Variants in RIN3 observed in about 807,000 individuals in gnomAD.
RIN3 encodes the protein RAB5 interacting protein 3.
RIN3 carries 54 observed loss-of-function variants against 76.3 expected under a neutral mutation model. The observed-to-expected ratio is 0.71, with a 90% CI of 0.57 to 0.89. RIN3 has a LOEUF of 0.89. Among genes scored for constraint, RIN3 ranks in the 40% least tolerant of loss-of-function variants. RIN3 has a pLI of 0.00. For missense variants in RIN3, 1,256 were observed against 1,322.1 expected, an observed-to-expected ratio of 0.95 and a Z score of 0.78; for synonymous variants, 576 against 564.0, an observed-to-expected ratio of 1.02 and a Z score of -0.30.
chr14:92,683,034 G>A (rs1012480761), intron 8 of RIN3, among the ~76,000 whole-genome samples: 4 of 152,310 alleles, frequency 2.6e-5, no homozygotes, highest in Middle Eastern at 3.4e-3. Flanking sequence ...AGGCGTGGTG[G>A]TGCGTGCCTA....
At position 92,597,088 on chromosome 14, in the gene RIN3, C is replaced by T. The variant is rs372542744; in HGVS notation, c.368-18319C>T. ...GGATGGTAATACCCATCTCACAGAA[C>T]CATGGGGAGGTGTCACGTATGTGAG... On this transcript the variant is annotated intron_variant, in intron 3 of 9. Coordinates refer to ENST00000216487, the MANE Select transcript of RIN3 (RefSeq NM_024832.5). Among the ~76,000 whole-genome samples, 179 of 152,260 alleles carry T rather than the reference C, an allele frequency of 1.2e-3. 3 individuals carry two copies. In the South Asian group the frequency reaches 0.031, roughly 26 times the overall value.
At chr14:92,549,422 G>A (rs746582663) in intron 1 of RIN3, among the ~76,000 whole-genome samples, 3 of 152,130 alleles carry the variant, frequency 2.0e-5, no homozygotes, top group South Asian at 2.1e-4. Flanking sequence ...AAACTTCTGC[G>A]CCTTCCCCCT....
chr14:92,541,283 A>G (rs1234634161), intron 1 of RIN3, among the ~76,000 whole-genome samples: 1 of 139,618 alleles, frequency 7.2e-6, no homozygotes, highest in Non-Finnish European at 1.5e-5. Context: ...TTAATTTCCC[A>G]AAAGCATTGT....
rs550945060 is a variant in RIN3, at chr14:92,667,635, A to T, written c.2335+8166A>T. Among the ~76,000 whole-genome samples, 4 of 152,360 alleles carry T rather than the reference A, an allele frequency of 2.6e-5. No individual in the cohort carries two copies. The South Asian group carries it at 8.3e-4, about 32-fold the overall frequency. The stretch of plus-strand genomic sequence containing the variant: ...TAGTCTTTTTGAAATAACTACAGAT[A>T]GGTAAATAGATAATTGGTTAAGGAA... On this transcript the variant is annotated intron_variant, in intron 7 of 9. Coordinates refer to ENST00000216487, the MANE Select transcript of RIN3 (RefSeq NM_024832.5).
rs1029352897 is a variant in RIN3 at position 92,568,800 on chromosome 14, T to G, written c.250-8560T>G. ...AGACAAGAGCCACATGAGAGCCCTG[T>G]GGCCATGCTGAAAGGGTGGGTGATG... On this transcript the variant is annotated intron_variant, in intron 2 of 9. Coordinates refer to ENST00000216487, the MANE Select transcript of RIN3 (RefSeq NM_024832.5). This position sits in a 1 kb window ranked among gnomAD's most constrained non-coding sequence, Gnocchi z 4.2. 7.9e-5 allele frequency among the ~76,000 whole-genome samples: 12 copies of G among 152,238 alleles called. No individual in the cohort carries two copies. Among genetic ancestry groups the G allele is most frequent in the African/African-American group, 2.9e-4 (12 of 41,470 alleles).
At chr14:92,556,063 C>A in intron 2 of RIN3, 108 bp downstream of exon 2, 1 of 875,626 alleles carries the variant, frequency 1.1e-6, no homozygotes, top group Non-Finnish European at 1.8e-6. Context: ...ATGCAGATGA[C>A]TGCATGTTTA....
At chr14:92,564,609 A>G (rs1234140460) in intron 2 of RIN3, among the ~76,000 whole-genome samples, 4 of 152,230 alleles carry the variant, frequency 2.6e-5, no homozygotes, top group Non-Finnish European at 5.9e-5. Context: ...GAAGGACACA[A>G]GTGTCTGACC....
chr14:92,657,374 GAAA>G (rs56043062), intron 6 of RIN3, among the ~76,000 whole-genome samples: 1 of 147,712 alleles, frequency 6.8e-6, no homozygotes, highest in Non-Finnish European at 1.5e-5. Flanking sequence ...AAACAAAAAA[GAAA>G]AAAAAAAGGC....
intron 3 of RIN3, among the ~76,000 whole-genome samples, chr14:92,584,660 T>C (rs1595435493): frequency 6.6e-6 from 1 of 151,830 alleles, no homozygotes; most frequent in African/African-American, 2.4e-5. Context: ...AGGGGATGTA[T>C]GGGATGAAGG....
chr14:92,569,778 TG>T (rs1355079497), intron 2 of RIN3, among the ~76,000 whole-genome samples: 1 of 151,962 alleles, frequency 6.6e-6, no homozygotes, highest in Non-Finnish European at 1.5e-5. Context: ...CAGAGATCAG[TG>T]GGGGCTAGGG....
Position 92,683,956 on chromosome 14 carries a change from G to T in RIN3, c.2468-1031G>T, listed in dbSNP as rs190660675. ...CCATCATAAATTGAAAATATCTTAA[G>T]TTGAAATGCATTTAATCCACCTAAC... On this transcript the variant is annotated intron_variant, in intron 8 of 9. Coordinates refer to ENST00000216487, the MANE Select transcript of RIN3 (RefSeq NM_024832.5). Among the ~76,000 whole-genome samples, 535 of 152,250 alleles carry T rather than the reference G, an allele frequency of 3.5e-3. 3 individuals carry two copies. Among genetic ancestry groups the T allele is most frequent in the Non-Finnish European group, 3.5e-3 (239 of 68,032 alleles).
chr14:92,574,589 T>C (rs964881517), intron 2 of RIN3, among the ~76,000 whole-genome samples: 1 of 151,812 alleles, frequency 6.6e-6, no homozygotes, highest in Non-Finnish European at 1.5e-5. Flanking sequence ...GGGCTGCTTT[T>C]TGTTAAAAGG....
chr14:92,675,840 C>A (rs554175192), intron 7 of RIN3, among the ~76,000 whole-genome samples: 1 of 152,158 alleles, frequency 6.6e-6, no homozygotes, highest in African/African-American at 2.4e-5. Context: ...CTTTATAGAG[C>A]GCCCTCCATC....
At chr14:92,541,123 G>A (rs566847543) in intron 1 of RIN3, among the ~76,000 whole-genome samples, 25 of 152,330 alleles carry the variant, frequency 1.6e-4, no homozygotes, top group Admixed American at 9.2e-4. Flanking sequence ...CCAAAGTCAC[G>A]TAGTAAACAA....
intron 3 of RIN3, among the ~76,000 whole-genome samples, chr14:92,612,719 C>T (rs1164083326): frequency 6.6e-6 from 1 of 152,164 alleles, no homozygotes; most frequent in East Asian, 1.9e-4. Flanking sequence ...GGGGCTGGGG[C>T]CAGGGGAGAG....
At chr14:92,584,559 G>A (rs1884696501) in intron 3 of RIN3, among the ~76,000 whole-genome samples, 1 of 152,210 alleles carries the variant, frequency 6.6e-6, no homozygotes, top group South Asian at 2.1e-4. Context: ...GGGAACAAGA[G>A]ATGTCTTGGT....
intron 2 of RIN3, among the ~76,000 whole-genome samples, chr14:92,561,495 T>G (rs1450988713): frequency 1.2e-5 from 1 of 80,944 alleles, no homozygotes; most frequent in East Asian, 2.9e-4. Context: ...TCAGGCTGAT[T>G]TTTTTTTTTA....
rs1193332797 is a variant in RIN3 at position 92,659,323 on chromosome 14, C to T, written c.2189C>T (p.Thr730Ile). The change falls in exon 7 of 10, where the codon ACC becomes ATC. Residue 730 changes from threonine to isoleucine, a missense_variant. Around this residue, in one of 3 missense-constraint regions of RIN3, gnomAD observed 428 missense variants for 521.2 expected, o/e 0.82. Transcript: ENST00000216487. The part of the protein sequence containing the change: ...LATTTTDLGV[T>I]TSVPEVPMME... ...ACCACCACCACTGACCTAGGTGTGA[C>T]CACCAGCGTGCCGGAGGTGCCCATG... 2 of 1,612,712 alleles carry T rather than the reference C, an allele frequency of 1.2e-6. No individual in the cohort carries two copies. The highest frequency in any genetic ancestry group is 1.7e-6 in the Non-Finnish European group (2 of 1,179,242).
intron 6 of RIN3, 117 bp downstream of exon 6, chr14:92,653,192 C>A (rs1887539354): frequency 1.8e-6 from 2 of 1,115,160 alleles, no homozygotes; most frequent in South Asian, 3.3e-5. Flanking sequence ...CACCCCCTAT[C>A]CCTTCCTGGG....
Sources: allele counts gnomAD v4.1 joint callset (sites outside exome capture counted in the v4.1 genomes callset), GRCh38; gene constraint gnomAD v4.1.1; regional missense constraint gnomAD v4.1.1; non-coding constraint Gnocchi (gnomAD v3.1); transcripts MANE v1.5; gene names NCBI Gene and HGNC (gene_info 2026-07-23, HGNC 2026-07-21).